Variants in MATCAP2 observed in about 807,000 individuals in gnomAD.
The protein encoded by MATCAP2 is microtubule associated tyrosine carboxypeptidase 2.
chr7:36,328,561 T>C, the MATCAP2 span, among the ~76,000 whole-genome samples: 7 of 151,106 alleles, frequency 4.6e-5, no homozygotes, highest in African/African-American at 1.7e-4. Context: ...CTGGCCAACG[T>C]GGTGAAACCC....
the MATCAP2 span, among the ~76,000 whole-genome samples, chr7:36,334,415 GT>G: frequency 6.6e-6 from 1 of 151,406 alleles, no homozygotes; most frequent in Non-Finnish European, 1.5e-5. Context: ...TGCACCTGGG[GT>G]CCCAGCTACT....
the MATCAP2 span, among the ~76,000 whole-genome samples, chr7:36,376,668 T>G: frequency 6.6e-6 from 1 of 152,332 alleles, no homozygotes; most frequent in African/African-American, 2.4e-5. Context: ...GTCTCGTTGA[T>G]CTGTCTAATA....
chr7:36,367,248 G>A, the MATCAP2 span: 2 of 1,091,932 alleles, frequency 1.8e-6, no homozygotes, highest in East Asian at 5.4e-5. Context: ...AACTGCCCCC[G>A]GGGTCCGCGC....
the MATCAP2 span, among the ~76,000 whole-genome samples, chr7:36,349,834 A>C: frequency 6.6e-6 from 1 of 152,224 alleles, no homozygotes; most frequent in Non-Finnish European, 1.5e-5. Context: ...TCAAGTTCAT[A>C]TCTTCTTCCA....
At chr7:36,375,861 C>G in the MATCAP2 span, among the ~76,000 whole-genome samples, 1 of 152,180 alleles carries the variant, frequency 6.6e-6, no homozygotes, top group Non-Finnish European at 1.5e-5. Context: ...TCTAGATTTT[C>G]TAGTTTACTT....
the MATCAP2 span, among the ~76,000 whole-genome samples, chr7:36,363,292 C>A: frequency 6.6e-6 from 1 of 152,194 alleles, no homozygotes. Flanking sequence ...TATAAAGACA[C>A]TTCATTTCTG....
chr7:36,327,150 T>C, the MATCAP2 span, among the ~76,000 whole-genome samples: 1 of 152,184 alleles, frequency 6.6e-6, no homozygotes, highest in South Asian at 2.1e-4. Context: ...TTATTATTTT[T>C]TTCCTGAGAT....
At chr7:36,350,724 T>C in the MATCAP2 span, among the ~76,000 whole-genome samples, 2 of 152,114 alleles carry the variant, frequency 1.3e-5, no homozygotes, top group Non-Finnish European at 2.9e-5. Context: ...GTATTTTTCG[T>C]AGAGACAGGG....
chr7:36,344,151 C>T, the MATCAP2 span, among the ~76,000 whole-genome samples: 6 of 152,160 alleles, frequency 3.9e-5, no homozygotes, highest in Non-Finnish European at 2.9e-5. Context: ...GAAACACTCT[C>T]CTCTGAACAT....
At chr7:36,385,723 C>G in the MATCAP2 span, among the ~76,000 whole-genome samples, 1 of 151,322 alleles carries the variant, frequency 6.6e-6, no homozygotes. Flanking sequence ...GAATTTGAAG[C>G]TGCAGTGAGC....
chr7:36,388,865 G>C, the MATCAP2 span, among the ~76,000 whole-genome samples: 1 of 152,160 alleles, frequency 6.6e-6, no homozygotes, highest in East Asian at 1.9e-4. Context: ...CAGTTGGATG[G>C]AATTTAAAAT....
the MATCAP2 span, among the ~76,000 whole-genome samples, chr7:36,379,829 C>T: frequency 7.0e-6 from 1 of 141,940 alleles, no homozygotes; most frequent in Non-Finnish European, 1.5e-5. Context: ...CACACACACA[C>T]ACACACACAC....
chr7:36,333,257 C>T, the MATCAP2 span, among the ~76,000 whole-genome samples: 1 of 152,066 alleles, frequency 6.6e-6, no homozygotes, highest in Non-Finnish European at 1.5e-5. Context: ...AGAAGCCCAC[C>T]ACAAAAAATC....
the MATCAP2 span, among the ~76,000 whole-genome samples, chr7:36,377,814 T>C: frequency 6.6e-6 from 1 of 152,218 alleles, no homozygotes; most frequent in Admixed American, 6.5e-5. Context: ...TTACTCTTTT[T>C]TCTCTAAACT....
At chr7:36,358,334 G>GT in the MATCAP2 span, among the ~76,000 whole-genome samples, 3 of 152,114 alleles carry the variant, frequency 2.0e-5, no homozygotes, top group African/African-American at 4.8e-5. Flanking sequence ...GTAGCTATCA[G>GT]TAAAAGGACA....
At chr7:36,384,865 A>T in the MATCAP2 span, among the ~76,000 whole-genome samples, 13,316 of 141,200 alleles carry the variant, frequency 0.094, 704 homozygotes, top group East Asian at 0.16. Context: ...TAGTGAAAAG[A>T]AAAAAAAAAA....
chr7:36,333,474 C>T, the MATCAP2 span, among the ~76,000 whole-genome samples: 1 of 152,000 alleles, frequency 6.6e-6, no homozygotes, highest in African/African-American at 2.4e-5. Context: ...TTCTAAAAAT[C>T]ACTGAACTCT....
chr7:36,356,686 G>A, the MATCAP2 span: 1 of 589,856 alleles, frequency 1.7e-6, no homozygotes, highest in African/African-American at 1.9e-5. Context: ...CTGTCACAAA[G>A]AGCCTATATA....
chr7:36,333,083 C>T, the MATCAP2 span, among the ~76,000 whole-genome samples: 1 of 152,176 alleles, frequency 6.6e-6, no homozygotes, highest in Non-Finnish European at 1.5e-5. Flanking sequence ...GGCACAACTT[C>T]AGCAGACTTA....
Sources: allele counts gnomAD v4.1 joint callset (sites outside exome capture counted in the v4.1 genomes callset), GRCh38; gene constraint gnomAD v4.1.1; transcripts MANE v1.5; gene names NCBI Gene and HGNC (gene_info 2026-07-23, HGNC 2026-07-21).